Variants in GASK1A observed in about 807,000 individuals in gnomAD.
GASK1A encodes Golgi-associated kinase 1A.
A neutral mutation model predicts 41.2 loss-of-function variants in GASK1A; 40 were observed. That is an observed-to-expected ratio of 0.97 (90% CI 0.75 to 1.27). The LOEUF is 1.27. Among genes scored for constraint, GASK1A ranks in the 50% most tolerant of loss-of-function variants. GASK1A has a pLI of 0.00. For synonymous variants in GASK1A, 316 were observed against 307.1 expected (o/e 1.03, Z -0.30); for missense variants, 678 against 745.1 (o/e 0.91, Z 1.05).
chr3:42,985,777 A>G (rs956155735), intron 1 of GASK1A, among the ~76,000 whole-genome samples: 1 of 152,162 alleles, frequency 6.6e-6, no homozygotes, highest in African/African-American at 2.4e-5. Flanking sequence ...GATTCTGTCA[A>G]GGGAAGAAAG....
chr3:43,028,871 C>T (rs1444488812), intron 1 of GASK1A, among the ~76,000 whole-genome samples: 1 of 152,116 alleles, frequency 6.6e-6, no homozygotes, highest in African/African-American at 2.4e-5. Flanking sequence ...ATTTAGCTTG[C>T]TGGTCCCCGC....
chr3:43,026,471 C>T (rs2089547508), intron 1 of GASK1A, among the ~76,000 whole-genome samples: 1 of 152,142 alleles, frequency 6.6e-6, no homozygotes, highest in South Asian at 2.1e-4. Context: ...AAAATATTAC[C>T]TGGAGACAGT....
At chr3:43,032,167 A>C (rs2089578720) in intron 1 of GASK1A, 100 bp from the exon 2 acceptor site, 1 of 973,698 alleles carries the variant, frequency 1.0e-6, no homozygotes, top group South Asian at 1.9e-5. Flanking sequence ...TCTTTCTCTC[A>C]TGAACTGAGC....
intron 1 of GASK1A, among the ~76,000 whole-genome samples, chr3:43,001,736 G>A (rs995832548): frequency 3.9e-5 from 6 of 152,268 alleles, no homozygotes; most frequent in South Asian, 2.1e-4. Flanking sequence ...GGGCCCCTGC[G>A]GATGTAATTA....
chr3:43,053,470 G>A, intron 2 of GASK1A, 51 bp from the exon 3 acceptor site: 3 of 1,491,800 alleles, frequency 2.0e-6, no homozygotes, highest in Non-Finnish European at 2.7e-6. Context: ...GCTATGCCTG[G>A]TGGAGGCAGG....
At position 43,033,124 on chromosome 3, in the gene GASK1A, GCAGGTGCTA is replaced by G; in HGVS notation, c.867_875del (p.Leu290_Val292del). The stretch of plus-strand genomic sequence containing the variant: ...ACAAAGCCAGGGTCCCCGCCCATGG[GCAGGTGCTA>G]CAGGTTGGCTTCTCCACTGAGGCTG... On this transcript the variant is annotated inframe_deletion, in exon 2 of 5. Transcript: ENST00000430121. The G allele has an allele frequency of 1.3e-6, 2 of 1,551,104 alleles. No homozygotes were observed. The highest frequency in any genetic ancestry group is 1.7e-6 in the Non-Finnish European group (2 of 1,146,612).
chr3:43,053,460 G>A (rs1459561179), intron 2 of GASK1A, 61 bp from the exon 3 acceptor site: 62 of 1,482,462 alleles, frequency 4.2e-5, no homozygotes, highest in Non-Finnish European at 5.1e-5. Flanking sequence ...TGGCCTCCAT[G>A]CTATGCCTGG....
At position 43,053,655 on chromosome 3, in the gene GASK1A, C is replaced by T. The variant is rs2089702802; in HGVS notation, c.1413+12C>T. 6.4e-7 allele frequency: 1 copy of T among 1,551,672 alleles called. No individual in the cohort carries two copies. The highest frequency in any genetic ancestry group is 1.4e-5 in the African/African-American group (1 of 73,174). On this transcript the variant is annotated intron_variant, in intron 3 of 4. Transcript: ENST00000430121. Reference sequence around the variant, plus strand: ...TGGTCCACATCCTGGTACGTCTCCTCCACACCATCCCCTTGTCACCCCAGA... The same window carrying T: ...TGGTCCACATCCTGGTACGTCTCCTTCACACCATCCCCTTGTCACCCCAGA...
chr3:43,056,532 G>T lies in GASK1A; in HGVS notation c.*146G>T. 1.5e-6 allele frequency: 1 copy of T among 662,516 alleles called. No homozygotes were observed. The highest frequency in any genetic ancestry group is 2.8e-5 in the East Asian group (1 of 35,572). The allele number at this position is 662,516 out of a possible 1,614,324, so 41.0% of individuals were successfully genotyped here. A position where few individuals can be genotyped will look rare whatever the true frequency, so the allele number is the denominator to read the frequency against. On this transcript the variant is annotated 3_prime_UTR_variant, in exon 5 of 5. Transcript: ENST00000430121. ...TATTTCACCTGCCTGGGATGGTGGA[G>T]GTAGTATGGGGTTTTCAATCTCAAA...
intron 2 of GASK1A, among the ~76,000 whole-genome samples, chr3:43,038,448 T>A (rs2089615701): frequency 6.6e-6 from 1 of 152,236 alleles, no homozygotes; most frequent in South Asian, 2.1e-4. Flanking sequence ...TCTGTTGCAT[T>A]TATTCTAAAG....
intron 2 of GASK1A, among the ~76,000 whole-genome samples, chr3:43,035,303 A>G (rs2089599128): frequency 6.6e-6 from 1 of 152,054 alleles, no homozygotes. Flanking sequence ...AGTGCTGGGG[A>G]ATGAGTACCC....
intron 1 of GASK1A, among the ~76,000 whole-genome samples, chr3:43,005,096 G>A (rs948158787): frequency 2.6e-5 from 4 of 152,230 alleles, no homozygotes; most frequent in South Asian, 2.1e-4. Flanking sequence ...TCACATGGCC[G>A]CCTTCTTGCT....
At chr3:43,005,244 G>A (rs1356634750) in intron 1 of GASK1A, among the ~76,000 whole-genome samples, 3 of 152,092 alleles carry the variant, frequency 2.0e-5, no homozygotes, top group South Asian at 4.1e-4. Context: ...ACAGGTTTGG[G>A]GATTAGGACA....
intron 2 of GASK1A, among the ~76,000 whole-genome samples, chr3:43,035,923 A>G (rs765063001): frequency 6.6e-6 from 1 of 152,156 alleles, no homozygotes; most frequent in Non-Finnish European, 1.5e-5. Context: ...GGATGGTCTG[A>G]CTCTAGAGCT....
chr3:42,992,855 G>T (rs150314821), intron 1 of GASK1A, among the ~76,000 whole-genome samples: 1 of 152,202 alleles, frequency 6.6e-6, no homozygotes, highest in South Asian at 2.1e-4. Context: ...GGGGTGCCTC[G>T]TGGTCAGAAC....
At chr3:42,986,559 G>A (rs754224053) in intron 1 of GASK1A, among the ~76,000 whole-genome samples, 3 of 152,200 alleles carry the variant, frequency 2.0e-5, no homozygotes, top group African/African-American at 7.2e-5. Context: ...GCAAAAATGA[G>A]CTGTTAAAAT....
At chr3:43,040,872 T>TCC (rs1389325169) in intron 2 of GASK1A, among the ~76,000 whole-genome samples, 1,240 of 53,842 alleles carry the variant, frequency 0.023, 1 homozygote, top group Non-Finnish European at 0.041. Flanking sequence ...CCCAATGCTA[T>TCC]CCCTCCCCCC....
intron 1 of GASK1A, among the ~76,000 whole-genome samples, chr3:43,008,396 T>C (rs2089447065): frequency 6.6e-6 from 1 of 152,188 alleles, no homozygotes; most frequent in Admixed American, 6.5e-5. Flanking sequence ...CCTAGTCCTC[T>C]GAAGCCGGAG....
rs1468200085 is a variant in GASK1A, at chr3:42,990,590, C to G, written c.3+10945C>G. 2.6e-5 allele frequency among the ~76,000 whole-genome samples: 4 copies of G among 152,166 alleles called. No individual in the cohort carries two copies. In the East Asian group the frequency reaches 7.7e-4, roughly 29 times the overall value. On this transcript the variant is annotated intron_variant, in intron 1 of 4. Transcript: ENST00000430121. ...GAATGAGCACGCTCTATACCCTAGGCCCCTCGGGAATTCCGAGTCTTGGGG... is the reference window on the plus strand; with the variant it reads ...GAATGAGCACGCTCTATACCCTAGGGCCCTCGGGAATTCCGAGTCTTGGGG...
Sources: allele counts gnomAD v4.1 joint callset (sites outside exome capture counted in the v4.1 genomes callset), GRCh38; gene constraint gnomAD v4.1.1; transcripts MANE v1.5; gene names NCBI Gene and HGNC (gene_info 2026-07-23, HGNC 2026-07-21).